Variants in CREB3L2 observed in about 807,000 individuals in gnomAD.
CREB3L2 encodes cAMP responsive element binding protein 3 like 2, also known as cyclic AMP-responsive element-binding protein 3-like protein 2.
Under a neutral mutation model 57.2 loss-of-function variants are expected in CREB3L2, and 23 were observed. The observed-to-expected ratio is 0.40, with a 90% CI of 0.29 to 0.57. The LOEUF is 0.57. CREB3L2 is among the 20% of genes least tolerant of loss of function. The pLI is 0.42. For synonymous variants in CREB3L2, 268 were observed against 265.1 expected, an observed-to-expected ratio of 1.01 and a Z score of -0.11; for missense variants, 628 against 634.7, an observed-to-expected ratio of 0.99 and a Z score of 0.11.
chr7:137,905,316 T>C (rs1799860940), intron 6 of CREB3L2, among the ~76,000 whole-genome samples: 1 of 147,892 alleles, frequency 6.8e-6, no homozygotes, highest in Admixed American at 6.8e-5. Context: ...TTTATATAGA[T>C]ACATAGAGTA....
intron 2 of CREB3L2, among the ~76,000 whole-genome samples, chr7:137,927,237 G>A (rs1474588642): frequency 1.4e-5 from 2 of 139,222 alleles, no homozygotes; most frequent in Non-Finnish European, 3.0e-5. Flanking sequence ...AAGGAAGGAA[G>A]GGAGGGAACG....
chr7:137,919,642 C>T (rs1212830518), intron 2 of CREB3L2, among the ~76,000 whole-genome samples: 1 of 151,890 alleles, frequency 6.6e-6, no homozygotes, highest in African/African-American at 2.4e-5. Flanking sequence ...TTTATGATGA[C>T]AAAACACTGA....
At chr7:137,933,912 A>C (rs1800720125) in intron 1 of CREB3L2, 3 of 152,284 alleles carry the variant, frequency 2.0e-5, no homozygotes, top group Admixed American at 2.0e-4. Flanking sequence ...CCAGTTGGAA[A>C]GGGGCCTTAT....
intron 1 of CREB3L2, chr7:137,953,423 G>T (rs1801140906): frequency 2.4e-6 from 3 of 1,254,932 alleles, no homozygotes; most frequent in Middle Eastern, 2.2e-4. Flanking sequence ...CTGAGGAATA[G>T]ATGGATAAAT....
chr7:137,928,472 TC>T, intron 1 of CREB3L2, 106 bp from the exon 2 acceptor site: 7 of 853,042 alleles, frequency 8.2e-6, no homozygotes, highest in African/African-American at 1.7e-5. Flanking sequence ...TGAAGTCCCT[TC>T]TACACACACA....
In CREB3L2 at chr7:137,968,623, G is replaced by A. The variant is rs1801449602; in HGVS notation, c.102+32981C>T. Reference sequence around the variant, plus strand: ...TCCAGTCTATCATTGATGGACATTTGGGTTGGTTCCAAGTCTTTGCTACTG... The same window carrying A: ...TCCAGTCTATCATTGATGGACATTTAGGTTGGTTCCAAGTCTTTGCTACTG... On this transcript the variant is annotated intron_variant, in intron 1 of 11. Coordinates refer to ENST00000330387, the MANE Select transcript of CREB3L2 (RefSeq NM_194071.4). Among the ~76,000 whole-genome samples, 5 of 152,138 alleles carry A rather than the reference G, an allele frequency of 3.3e-5. No homozygotes were observed. The South Asian group carries it at 1.0e-3, about 32-fold the overall frequency.
Position 138,001,948 on chromosome 7 carries a change from C to A in CREB3L2, c.-243G>T, listed in dbSNP as rs558069780. ...GGGACACGAGCCGGACCAAAGGCTGCCGGGGCTAAAGCGGGATGTGCATCC... is the reference window on the plus strand; with the variant it reads ...GGGACACGAGCCGGACCAAAGGCTGACGGGGCTAAAGCGGGATGTGCATCC... On this transcript the variant is annotated 5_prime_UTR_variant, in exon 1 of 12. Coordinates refer to ENST00000330387, the MANE Select transcript of CREB3L2 (RefSeq NM_194071.4). The surrounding 1 kb of genome is among the most constrained non-coding windows in gnomAD (Gnocchi z 4.2). The A allele has an allele frequency of 8.8e-5, 39 of 443,750 alleles. No homozygotes were observed. The highest frequency in any genetic ancestry group is 7.5e-4 in the African/African-American group (37 of 49,498). 27.5% of individuals were successfully genotyped at this position (443,750 alleles called of 1,614,324 possible).
chr7:137,899,405 TG>T (rs1026740037), intron 8 of CREB3L2, among the ~76,000 whole-genome samples: 3 of 152,332 alleles, frequency 2.0e-5, no homozygotes, highest in Non-Finnish European at 2.9e-5. Flanking sequence ...GGCCAGGATT[TG>T]TCCCACCCAC....
Position 137,987,614 on chromosome 7 carries a change from G to A in CREB3L2, c.102+13990C>T, listed in dbSNP as rs528896714. Among the ~76,000 whole-genome samples the A allele has an allele frequency of 1.8e-3, 270 of 152,292 alleles. 1 individual carries two copies. The highest frequency in any genetic ancestry group is 6.2e-3 in the African/African-American group (258 of 41,560). ...GGTGGGACAGGTTTTGTGTGTTGGG[G>A]AGACAAGAGATACACGGGAGCTTTT... On this transcript the variant is annotated intron_variant, in intron 1 of 11. Coordinates refer to ENST00000330387, the MANE Select transcript of CREB3L2 (RefSeq NM_194071.4).
chr7:137,956,381 T>TG (rs1377095290), intron 1 of CREB3L2, among the ~76,000 whole-genome samples: 1 of 152,190 alleles, frequency 6.6e-6, no homozygotes, highest in Admixed American at 6.5e-5. Context: ...CTACCACTCT[T>TG]GCCAGAAGAA....
intron 1 of CREB3L2, among the ~76,000 whole-genome samples, chr7:137,973,240 C>T (rs1159296344): frequency 2.0e-5 from 3 of 151,612 alleles, no homozygotes; most frequent in Admixed American, 6.6e-5. Context: ...CTTCAACTAA[C>T]GATGACCTTA....
chr7:137,930,652 T>C (rs1307163854), intron 1 of CREB3L2, among the ~76,000 whole-genome samples: 1 of 152,190 alleles, frequency 6.6e-6, no homozygotes, highest in African/African-American at 2.4e-5. Context: ...ACACGGGACA[T>C]GGCATTTCAT....
intron 1 of CREB3L2, among the ~76,000 whole-genome samples, chr7:137,972,706 A>AACAAC (rs760748486): frequency 2.1e-4 from 11 of 51,802 alleles, no homozygotes; most frequent in African/African-American, 1.1e-3. Context: ...AAAAAAAAAA[A>AACAAC]AAAAAAATAT....
At chr7:137,933,676 C>T (rs932234755) in intron 1 of CREB3L2, 2 of 152,242 alleles carry the variant, frequency 1.3e-5, no homozygotes, top group African/African-American at 4.8e-5. Context: ...TGCCTAAACA[C>T]CCACCCACAC....
intron 1 of CREB3L2, among the ~76,000 whole-genome samples, chr7:137,959,711 C>T (rs1057001992): frequency 6.6e-6 from 1 of 152,196 alleles, no homozygotes; most frequent in Non-Finnish European, 1.5e-5. Context: ...AAACATTCTA[C>T]AAACCAGGGT....
chr7:137,934,119 C>T (rs1476971105), intron 1 of CREB3L2, among the ~76,000 whole-genome samples: 1 of 152,178 alleles, frequency 6.6e-6, no homozygotes, highest in East Asian at 1.9e-4. Flanking sequence ...TATGAGTTTA[C>T]AAAATAATTT....
At chr7:137,957,892 A>C in intron 1 of CREB3L2, 1 of 665,104 alleles carries the variant, frequency 1.5e-6, no homozygotes, top group Non-Finnish European at 2.3e-6. Flanking sequence ...AGGGTGGAAG[A>C]CTGTTTGGTC....
At position 137,878,927 on chromosome 7, in the gene CREB3L2, G is replaced by C; in HGVS notation, c.*1549C>G. On this transcript the variant is annotated 3_prime_UTR_variant, in exon 12 of 12. Transcript: ENST00000330387. ...GACGTGTGTGGGGGTGGGTGGTGGG[G>C]GGAGAGAGAGAAGGAGAGACAGAGA... The C allele has an allele frequency of 2.5e-6, 1 of 402,388 alleles. No individual in the cohort carries two copies. The highest frequency in any genetic ancestry group is 2.4e-5 in the South Asian group (1 of 40,832). 24.9% of individuals were successfully genotyped at this position (402,388 alleles called of 1,614,324 possible).
chr7:137,980,875 T>C lies in CREB3L2; in HGVS notation c.102+20729A>G, dbSNP rs1243332057. On this transcript the variant is annotated intron_variant, in intron 1 of 11. Coordinates refer to ENST00000330387, the MANE Select transcript of CREB3L2 (RefSeq NM_194071.4). This position sits in a 1 kb window ranked among gnomAD's most constrained non-coding sequence, Gnocchi z 4.3. ...TGCACTGGCCCCTGTTCCTCCACAATGTGACCCCCCTTTGTCGCCAGCTAC... is the reference window on the plus strand; with the variant it reads ...TGCACTGGCCCCTGTTCCTCCACAACGTGACCCCCCTTTGTCGCCAGCTAC... 2.0e-5 allele frequency among the ~76,000 whole-genome samples: 3 copies of C among 152,180 alleles called. No individual in the cohort carries two copies. Among genetic ancestry groups the C allele is most frequent in the South Asian group, 2.1e-4 (1 of 4,824 alleles).
Sources: allele counts gnomAD v4.1 joint callset (sites outside exome capture counted in the v4.1 genomes callset), GRCh38; gene constraint gnomAD v4.1.1; non-coding constraint Gnocchi (gnomAD v3.1); transcripts MANE v1.5; gene names NCBI Gene and HGNC (gene_info 2026-07-23, HGNC 2026-07-21).